Variants in LRP1B observed in about 807,000 individuals in gnomAD.
LRP1B encodes low-density lipoprotein receptor-related protein 1B.
LRP1B carries 217 observed loss-of-function variants against 556.6 expected under a neutral mutation model. The ratio of observed to expected loss-of-function variants is 0.39; its 90% confidence interval spans 0.35 to 0.44. The LOEUF is 0.44. Among genes scored for constraint, LRP1B ranks in the 20% least tolerant of loss-of-function variants. LRP1B has a pLI of 1.00. For synonymous variants in LRP1B, 2,047 were observed against 1,865.8 expected (o/e 1.10, Z -2.50); for missense variants, 5,053 against 5,620.8 (o/e 0.90, Z 3.23).
chr2:141,830,770 T>A (rs1445776239), intron 1 of LRP1B, among the ~76,000 whole-genome samples: 1 of 151,766 alleles, frequency 6.6e-6, no homozygotes, highest in Non-Finnish European at 1.5e-5. Context: ...TCCTGAAAGT[T>A]TGGTGTAACT....
intron 6 of LRP1B, among the ~76,000 whole-genome samples, chr2:141,213,226 C>T (rs1186188165): frequency 6.6e-6 from 1 of 151,730 alleles, no homozygotes; most frequent in Admixed American, 6.6e-5. Context: ...GCTGGGATTA[C>T]AGACATGAGC....
intron 84 of LRP1B, among the ~76,000 whole-genome samples, chr2:140,288,233 A>C (rs1683238051): frequency 6.6e-6 from 1 of 151,516 alleles, no homozygotes; most frequent in South Asian, 2.1e-4. Flanking sequence ...AAGGATAAAT[A>C]CCAAATGTTT....
chr2:141,702,782 G>A (rs1038715022), intron 2 of LRP1B, among the ~76,000 whole-genome samples: 12 of 151,878 alleles, frequency 7.9e-5, no homozygotes, highest in Non-Finnish European at 8.8e-5. Flanking sequence ...AGGTATTAAG[G>A]CCCAAACAGT....
intron 2 of LRP1B, among the ~76,000 whole-genome samples, chr2:141,702,521 C>T (rs1691977620): frequency 6.6e-6 from 1 of 151,832 alleles, no homozygotes; most frequent in African/African-American, 2.4e-5. Context: ...TTACCAAAAA[C>T]TGCTGGCTGC....
intron 41 of LRP1B, among the ~76,000 whole-genome samples, chr2:140,681,867 C>T (rs2105379126): frequency 6.6e-6 from 1 of 152,180 alleles, no homozygotes; most frequent in South Asian, 2.1e-4. Context: ...AAAAGGAGTA[C>T]TTCCTGTGCA....
intron 7 of LRP1B, among the ~76,000 whole-genome samples, chr2:141,099,411 A>G (rs1255662948): frequency 1.3e-5 from 2 of 152,210 alleles, no homozygotes; most frequent in Admixed American, 1.3e-4. Context: ...AGAAGTGGAC[A>G]GGACTTCCTC....
chr2:141,423,685 C>T (rs533494831), intron 3 of LRP1B, among the ~76,000 whole-genome samples: 5 of 152,194 alleles, frequency 3.3e-5, no homozygotes, highest in African/African-American at 7.2e-5. Context: ...CTCACTGTGC[C>T]TGTAGTAGAT....
chr2:140,271,203 T>C (rs1682446089), intron 85 of LRP1B, among the ~76,000 whole-genome samples: 1 of 151,922 alleles, frequency 6.6e-6, no homozygotes, highest in Non-Finnish European at 1.5e-5. Flanking sequence ...AATGCAGAAA[T>C]GTGCATCAAC....
At chr2:141,909,526 ATTTTTTT>A (rs377577096) in intron 1 of LRP1B, among the ~76,000 whole-genome samples, 1 of 93,394 alleles carries the variant, frequency 1.1e-5, no homozygotes, top group African/African-American at 4.7e-5. Flanking sequence ...GGTCTCAGAC[ATTTTTTT>A]TTTTTTTTTT....
intron 45 of LRP1B, among the ~76,000 whole-genome samples, chr2:140,538,205 G>T (rs939574202): frequency 6.6e-6 from 1 of 151,820 alleles, no homozygotes; most frequent in African/African-American, 2.4e-5. Flanking sequence ...TCTATCTAAG[G>T]CTTCTTTTTT....
At chr2:141,761,091 T>C (rs1558857788) in intron 2 of LRP1B, among the ~76,000 whole-genome samples, 2 of 152,186 alleles carry the variant, frequency 1.3e-5, no homozygotes, top group African/African-American at 2.4e-5. Context: ...TGCTGAAATA[T>C]TGCATAGGAA....
At chr2:141,746,456 A>G (rs13410079) in intron 2 of LRP1B, among the ~76,000 whole-genome samples, 5,899 of 152,102 alleles carry the variant, frequency 0.039, 363 homozygotes, top group African/African-American at 0.14. Context: ...AGTATCTCAC[A>G]ATCACTGTGC....
At chr2:141,499,049 A>G (rs1683618640) in intron 2 of LRP1B, among the ~76,000 whole-genome samples, 1 of 152,112 alleles carries the variant, frequency 6.6e-6, no homozygotes, top group Non-Finnish European at 1.5e-5. Flanking sequence ...AAACTACAGA[A>G]GAGAATTCAT....
rs112012186 is a variant in LRP1B, at chr2:141,208,844, G to C, written c.851-20261C>G. ...AGATCACGCCGCTGCACTCCAACCT[G>C]GGCAATAAAGCGAGATTCTGAGATT... On this transcript the variant is annotated intron_variant, in intron 6 of 90. Coordinates refer to ENST00000389484, the MANE Select transcript of LRP1B (RefSeq NM_018557.3). Among the ~76,000 whole-genome samples the C allele has an allele frequency of 2.5e-5, 3 of 118,086 alleles. 1 individual carries two copies. Among genetic ancestry groups the C allele is most frequent in the African/African-American group, 1.0e-4 (3 of 29,824 alleles). 77.5% of individuals were successfully genotyped at this position (118,086 alleles called of 152,430 possible). A position where few individuals can be genotyped will look rare whatever the true frequency, so the allele number is the denominator to read the frequency against.
intron 43 of LRP1B, among the ~76,000 whole-genome samples, chr2:140,560,256 C>G (rs1680880754): frequency 6.6e-6 from 1 of 152,106 alleles, no homozygotes; most frequent in Admixed American, 6.6e-5. Context: ...CTAATATTAA[C>G]TCTCAACAAG....
chr2:141,498,417 T>A (rs1032982517), intron 2 of LRP1B, among the ~76,000 whole-genome samples: 2 of 151,826 alleles, frequency 1.3e-5, no homozygotes, highest in African/African-American at 2.4e-5. Flanking sequence ...AGGCTACAAT[T>A]CTGGACCTGT....
intron 21 of LRP1B, among the ~76,000 whole-genome samples, chr2:140,915,075 T>G (rs1420319010): frequency 6.6e-6 from 1 of 152,040 alleles, no homozygotes; most frequent in Admixed American, 6.6e-5. Flanking sequence ...CTGGTGACCA[T>G]CGAAACAGCC....
At chr2:140,328,021 T>C (rs552885281) in intron 79 of LRP1B, among the ~76,000 whole-genome samples, 1 of 152,180 alleles carries the variant, frequency 6.6e-6, no homozygotes, top group South Asian at 2.1e-4. Context: ...ATCAACTAAC[T>C]TTTCCTGTTA....
chr2:140,841,191 T>C (rs1692093839), intron 29 of LRP1B, 99 bp from the exon 30 acceptor site: 3 of 737,676 alleles, frequency 4.1e-6, no homozygotes, highest in South Asian at 2.3e-5. Flanking sequence ...ATTTAATTTA[T>C]ACTTTAATTT....
Sources: allele counts gnomAD v4.1 joint callset (sites outside exome capture counted in the v4.1 genomes callset), GRCh38; gene constraint gnomAD v4.1.1; transcripts MANE v1.5; gene names NCBI Gene and HGNC (gene_info 2026-07-23, HGNC 2026-07-21).